RGS22: variants seen among roughly 807,000 people sequenced by gnomAD.
RGS22 encodes the protein regulator of G protein signaling 22.
In RGS22, 148 loss-of-function variants were observed where a neutral mutation model predicts 172.9. The ratio of observed to expected loss-of-function variants is 0.86; its 90% CI spans 0.75 to 0.98. The LOEUF (loss-of-function observed/expected upper bound fraction) is 0.98. Among genes scored for constraint, RGS22 ranks in the 50% least tolerant of loss-of-function variants. The pLI is 0.00. For synonymous variants in RGS22, 458 were observed against 480.2 expected, an observed-to-expected ratio of 0.95 and a Z score of 0.60; for missense variants, 1,347 against 1,440.8, an observed-to-expected ratio of 0.93 and a Z score of 1.05.
chr8:100,090,359 G>C (rs888113021), intron 3 of RGS22, among the ~76,000 whole-genome samples: 2 of 152,122 alleles, frequency 1.3e-5, no homozygotes, highest in African/African-American at 4.8e-5. Context: ...GTGTGGTCAA[G>C]ATGGATTGGT....
intron 9 of RGS22, among the ~76,000 whole-genome samples, chr8:100,057,030 A>C (rs930510465): frequency 6.6e-6 from 1 of 152,238 alleles, no homozygotes; most frequent in African/African-American, 2.4e-5. Flanking sequence ...ACAGGGGCAG[A>C]GCTGCCCAAG....
intron 14 of RGS22, among the ~76,000 whole-genome samples, chr8:100,035,350 T>C (rs1262603615): frequency 6.6e-6 from 1 of 152,110 alleles, no homozygotes; most frequent in Non-Finnish European, 1.5e-5. Flanking sequence ...AAAAGACACA[T>C]GAAAACATGC....
At chr8:100,075,848 T>C (rs578108453) in intron 4 of RGS22, among the ~76,000 whole-genome samples, 1 of 152,316 alleles carries the variant, frequency 6.6e-6, no homozygotes, top group East Asian at 1.9e-4. Context: ...AGCAGCAGTG[T>C]ATGAAGGTTC....
At chr8:99,982,961 C>G (rs1272079182) in intron 21 of RGS22, among the ~76,000 whole-genome samples, 1 of 152,176 alleles carries the variant, frequency 6.6e-6, no homozygotes, top group Non-Finnish European at 1.5e-5. Context: ...CCTCCCCTCA[C>G]TACCTGTTCT....
intron 21 of RGS22, among the ~76,000 whole-genome samples, chr8:99,986,993 A>T (rs1288841217): frequency 6.6e-6 from 1 of 152,168 alleles, no homozygotes; most frequent in East Asian, 1.9e-4. Flanking sequence ...CTGAAAAAAA[A>T]CCTAATACAG....
In RGS22 at chr8:100,105,381, TC is replaced by T; in HGVS notation, c.46del (p.Glu16LysfsTer14). On this transcript the variant is annotated frameshift_variant, in exon 2 of 28. Coordinates refer to ENST00000360863, the MANE Select transcript of RGS22 (RefSeq NM_015668.5). LOFTEE classifies it high-confidence loss of function. ...LTAEPPTITE[E>X]EFEDSLATDD... The stretch of plus-strand genomic sequence containing the variant: ...CCTTGAAATGATACTTACAAATTCT[TC>T]TTCTGTAATAGTTGGTGGCTCTGAA... The T allele has an allele frequency of 1.2e-6, 2 of 1,609,348 alleles. No individual in the cohort carries two copies. Among genetic ancestry groups the T allele is most frequent in the Non-Finnish European group, 1.7e-6 (2 of 1,176,054 alleles).
At position 99,972,035 on chromosome 8, in the gene RGS22, C is replaced by T. The variant is rs371186141; in HGVS notation, c.3519+5882G>A. 4.8e-3 allele frequency among the ~76,000 whole-genome samples: 724 copies of T among 152,276 alleles called. 2 individuals are homozygous for T. The highest frequency in any genetic ancestry group is 0.014 in the Middle Eastern group (4 of 294). On this transcript the variant is annotated intron_variant, in intron 23 of 27. Coordinates refer to ENST00000360863, the MANE Select transcript of RGS22 (RefSeq NM_015668.5). ...CTACAATAATAAAAACAGCATGGTACTCTTACCAAAACAGATATATAGACC... is the reference window on the plus strand; with the variant it reads ...CTACAATAATAAAAACAGCATGGTATTCTTACCAAAACAGATATATAGACC...
chr8:99,987,676 A>T (rs904431086), intron 20 of RGS22, 57 bp from the exon 21 acceptor site: 18 of 1,330,434 alleles, frequency 1.4e-5, no homozygotes, highest in Middle Eastern at 2.3e-4. Context: ...ACAATTACCA[A>T]CTTCTATCTC....
rs145008919 is a variant in RGS22, at chr8:100,071,293, T to C, written c.594+76A>G. 30 of 1,289,392 alleles carry C rather than the reference T, an allele frequency of 2.3e-5. No individual in the cohort carries two copies. In the African/African-American group the frequency reaches 4.3e-4, roughly 18 times the overall value. 79.9% of individuals were successfully genotyped at this position (1,289,392 alleles called of 1,614,324 possible). The stretch of plus-strand genomic sequence containing the variant: ...CAGAGTGAGATCCTGTCTCAAAAAA[T>C]ATATGTATAAAATAAAAAATAAAAT... On this transcript the variant is annotated intron_variant, in intron 6 of 27. Transcript: ENST00000360863.
Position 100,006,644 on chromosome 8 carries a change from A to G in RGS22, c.2362-535T>C, listed in dbSNP as rs192489967. On this transcript the variant is annotated intron_variant, in intron 15 of 27. Coordinates refer to ENST00000360863, the MANE Select transcript of RGS22 (RefSeq NM_015668.5). ...GAACAAGACCATTTTCTATTTCTCT[A>G]TTGCAGGGGAAAATCAGCTTGGCTG... Among the ~76,000 whole-genome samples the G allele has an allele frequency of 6.5e-3, 995 of 152,320 alleles. 13 individuals carry two copies. The highest frequency in any genetic ancestry group is 0.022 in the African/African-American group (916 of 41,578).
chr8:100,099,696 T>C (rs1209404350), intron 2 of RGS22, among the ~76,000 whole-genome samples: 1 of 152,228 alleles, frequency 6.6e-6, no homozygotes, highest in African/African-American at 2.4e-5. Context: ...ATTTGATTCC[T>C]ACTCAGAGTA....
At chr8:100,105,623 C>G in intron 1 of RGS22, 1 of 600,522 alleles carries the variant, frequency 1.7e-6, no homozygotes, top group Non-Finnish European at 2.9e-6. Context: ...CACTAATTCA[C>G]TGTGACCCAG....
At chr8:100,052,541 T>C (rs1002346495) in intron 10 of RGS22, among the ~76,000 whole-genome samples, 14 of 151,990 alleles carry the variant, frequency 9.2e-5, no homozygotes, top group Non-Finnish European at 2.9e-5. Context: ...GACCTCGTGA[T>C]CCGCCTGCCT....
chr8:99,984,026 G>A (rs1457063202), intron 21 of RGS22, among the ~76,000 whole-genome samples: 1 of 152,192 alleles, frequency 6.6e-6, no homozygotes, highest in African/African-American at 2.4e-5. Context: ...GCTTATGCCT[G>A]TAATCCCAAC....
At chr8:100,042,291 A>T (rs893355484) in intron 11 of RGS22, among the ~76,000 whole-genome samples, 4 of 152,182 alleles carry the variant, frequency 2.6e-5, no homozygotes, top group Non-Finnish European at 4.4e-5. Context: ...AAAAATTTTA[A>T]TGTGTTTTAG....
At chr8:100,092,723 C>G (rs1476470701) in intron 3 of RGS22, among the ~76,000 whole-genome samples, 3 of 152,112 alleles carry the variant, frequency 2.0e-5, no homozygotes, top group Non-Finnish European at 2.9e-5. Context: ...ATACATTACC[C>G]AATCTCAGTT....
chr8:100,095,941 T>C (rs879891630), intron 2 of RGS22, among the ~76,000 whole-genome samples: 5 of 152,242 alleles, frequency 3.3e-5, no homozygotes, highest in African/African-American at 4.8e-5. Flanking sequence ...GCAAGTGCGA[T>C]CTGCTCAACC....
rs753934539 is a variant in RGS22 at position 100,063,805 on chromosome 8, G to GTA, written c.961_962dup (p.Phe322ThrfsTer4). The GTA allele has an allele frequency of 3.3e-5, 53 of 1,613,068 alleles. No individual in the cohort carries two copies. The highest frequency in any genetic ancestry group is 4.3e-5 in the Non-Finnish European group (51 of 1,179,840). On this transcript the variant is annotated frameshift_variant, in exon 8 of 28. Transcript: ENST00000360863. LOFTEE classifies it high-confidence loss of function. ...GCTGAATTGCTCCTCTCAAAATAAA[G>GTA]TATATATAGGAGCTTAAAAATTCTT...
intron 5 of RGS22, 110 bp downstream of exon 5, chr8:100,072,035 A>G (rs1811021674): frequency 6.1e-6 from 4 of 659,076 alleles, no homozygotes; most frequent in Middle Eastern, 4.1e-4. Context: ...TGACTCTACA[A>G]AGAATTTAAA....
Sources: gnomAD v4.1 joint callset for allele counts (sites outside exome capture counted in the v4.1 genomes callset) on GRCh38, gnomAD v4.1.1 for gene constraint, MANE v1.5 for transcripts, NCBI Gene and HGNC (gene_info 2026-07-23, HGNC 2026-07-21) for gene names.